NINJ2: variants seen among roughly 807,000 people sequenced by gnomAD.
NINJ2 encodes the protein ninjurin 2.
Under a neutral mutation model 11.7 loss-of-function variants are expected in NINJ2, and 12 were observed. That is an observed-to-expected ratio of 1.02 (90% confidence interval 0.66 to 1.66). The LOEUF is 1.66. NINJ2 is among the 40% of genes most tolerant of loss of function. NINJ2 has a pLI of 0.00. For synonymous variants in NINJ2, 93 were observed against 76.8 expected (o/e 1.21, Z -1.10); for missense variants, 187 against 181.8 (o/e 1.03, Z -0.16).
intron 1 of NINJ2, among the ~76,000 whole-genome samples, chr12:629,896 A>AAAT: frequency 5.0e-4 from 5 of 9,904 alleles, no homozygotes; most frequent in African/African-American, 7.3e-4. Context: ...AAAAAAAAAA[A>AAAT]ATATATATAT....
At chr12:601,877 C>CA (rs1025412505) in intron 1 of NINJ2, among the ~76,000 whole-genome samples, 11 of 151,846 alleles carry the variant, frequency 7.2e-5, no homozygotes, top group African/African-American at 1.7e-4. Flanking sequence ...GACTCTGTGT[C>CA]AAAAAAATAA....
intron 1 of NINJ2, among the ~76,000 whole-genome samples, chr12:603,036 T>C (rs907418945): frequency 3.3e-5 from 5 of 151,966 alleles, no homozygotes; most frequent in African/African-American, 1.2e-4. Flanking sequence ...GAGATCTCAC[T>C]ATGTTGCCCA....
rs1478403320 is a variant in NINJ2 at position 633,350 on chromosome 12, T to C, written c.33+29978A>G. The stretch of plus-strand genomic sequence containing the variant: ...CTGTCTCTACTAAAAATACAAAAAT[T>C]AGCCAGACATGGTGGCACGTGCCTG... On this transcript the variant is annotated intron_variant, in intron 1 of 3. Transcript: ENST00000305108. The surrounding 1 kb of genome is among the most constrained non-coding windows in gnomAD (Gnocchi z 4.3). Among the ~76,000 whole-genome samples the C allele has an allele frequency of 6.6e-6, 1 of 151,892 alleles. No homozygotes were observed. The highest frequency in any genetic ancestry group is 2.4e-5 in the African/African-American group (1 of 41,360).
intron 1 of NINJ2, among the ~76,000 whole-genome samples, chr12:566,677 G>C (rs1947304990): frequency 6.6e-6 from 1 of 152,228 alleles, no homozygotes; most frequent in Non-Finnish European, 1.5e-5. Context: ...CTGATCATCG[G>C]CTGGATTTCC....
chr12:655,028 C>CA (rs1172978647), intron 1 of NINJ2, among the ~76,000 whole-genome samples: 1 of 151,982 alleles, frequency 6.6e-6, no homozygotes, highest in Admixed American at 6.6e-5. Context: ...ATTCAACACC[C>CA]ATTCATGATA....
intron 1 of NINJ2, among the ~76,000 whole-genome samples, chr12:574,199 G>A (rs1565619825): frequency 1.3e-5 from 2 of 152,132 alleles, no homozygotes. Context: ...TCCAGCCTGG[G>A]CAACAAGAGC....
In NINJ2 at chr12:581,398, G is replaced by A. The variant is rs1167577769; in HGVS notation, c.34-15220C>T. Among the ~76,000 whole-genome samples the A allele has an allele frequency of 6.6e-6, 1 of 152,152 alleles. No individual in the cohort carries two copies. Among genetic ancestry groups the A allele is most frequent in the African/African-American group, 2.4e-5 (1 of 41,434 alleles). On this transcript the variant is annotated intron_variant, in intron 1 of 3. Transcript: ENST00000305108. This position sits in a 1 kb window ranked among gnomAD's most constrained non-coding sequence, Gnocchi z 4.9. The stretch of plus-strand genomic sequence containing the variant: ...AAAGCCGCTCCTGATTGGTGGGCCA[G>A]CCTGAATCTGCTGCGCCTGCCAGCT...
chr12:647,826 G>C (rs1282985655), intron 1 of NINJ2, among the ~76,000 whole-genome samples: 1 of 152,138 alleles, frequency 6.6e-6, no homozygotes, highest in Non-Finnish European at 1.5e-5. Flanking sequence ...AAGTGATGGG[G>C]TGCTGCTGTT....
chr12:568,993 A>C (rs746919491), intron 1 of NINJ2, among the ~76,000 whole-genome samples: 8 of 151,712 alleles, frequency 5.3e-5, no homozygotes, highest in African/African-American at 1.2e-4. Context: ...CCACAGAAAT[A>C]AGAAAAAAGG....
intron 1 of NINJ2, among the ~76,000 whole-genome samples, chr12:620,035 G>A (rs1948134318): frequency 6.6e-6 from 1 of 152,212 alleles, no homozygotes; most frequent in Non-Finnish European, 1.5e-5. Context: ...TTGTTGCCAG[G>A]GCCTGGTGTT....
At chr12:569,817 G>T (rs960817228) in intron 1 of NINJ2, among the ~76,000 whole-genome samples, 1 of 152,236 alleles carries the variant, frequency 6.6e-6, no homozygotes, top group Non-Finnish European at 1.5e-5. Flanking sequence ...GTGTGCTTAG[G>T]GGGTGCGCCT....
intron 1 of NINJ2, among the ~76,000 whole-genome samples, chr12:617,015 G>T (rs1948099188): frequency 6.6e-6 from 1 of 152,160 alleles, no homozygotes; most frequent in Non-Finnish European, 1.5e-5. Context: ...AGACCAGCCT[G>T]GCCAACATGG....
At chr12:592,191 G>A (rs1406285302) in intron 1 of NINJ2, among the ~76,000 whole-genome samples, 1 of 152,052 alleles carries the variant, frequency 6.6e-6, no homozygotes, top group Admixed American at 6.6e-5. Context: ...AGTGCAAAAT[G>A]GGATAAAAGA....
rs979862419 is a variant in NINJ2, at chr12:633,867, C to T, written c.33+29461G>A. Among the ~76,000 whole-genome samples the T allele has an allele frequency of 1.3e-5, 2 of 152,116 alleles. No individual in the cohort carries two copies. Among genetic ancestry groups the T allele is most frequent in the Non-Finnish European group, 2.9e-5 (2 of 68,024 alleles). ...CTGTCTGCTAAATCAAGTACACATT[C>T]CTTTGCCTGGTTATTTAAAAATCCC... On this transcript the variant is annotated intron_variant, in intron 1 of 3. Transcript: ENST00000305108. The surrounding 1 kb of genome is among the most constrained non-coding windows in gnomAD (Gnocchi z 4.3).
intron 1 of NINJ2, among the ~76,000 whole-genome samples, chr12:655,099 ATAAC>A (rs1339749994): frequency 6.6e-6 from 1 of 152,186 alleles, no homozygotes; most frequent in Non-Finnish European, 1.5e-5. Flanking sequence ...CAAAAAGCCT[ATAAC>A]TAACATCATA....
rs370838918 is a variant in NINJ2, at chr12:578,254, C to T, written c.34-12076G>A. Reference sequence around the variant, plus strand: ...ACAGGAATTGCTCACTCGGGGAGCTCGGTTGTTGGAGATGTGAATCTTGCC... The same window carrying T: ...ACAGGAATTGCTCACTCGGGGAGCTTGGTTGTTGGAGATGTGAATCTTGCC... On this transcript the variant is annotated intron_variant, in intron 1 of 3. Transcript: ENST00000305108. 1.4e-4 allele frequency among the ~76,000 whole-genome samples: 21 copies of T among 152,266 alleles called. No individual in the cohort carries two copies. In the East Asian group the frequency reaches 4.1e-3, roughly 29 times the overall value.
At chr12:650,318 G>GTGA (rs951602107) in intron 1 of NINJ2, among the ~76,000 whole-genome samples, 2 of 152,234 alleles carry the variant, frequency 1.3e-5, no homozygotes, top group Admixed American at 6.5e-5. Context: ...GTGAGCTCAG[G>GTGA]TGATGTACCA....
At chr12:651,414 C>T (rs1937783773) in intron 1 of NINJ2, among the ~76,000 whole-genome samples, 1 of 152,196 alleles carries the variant, frequency 6.6e-6, no homozygotes, top group South Asian at 2.1e-4. Context: ...TTGTGATGTT[C>T]AGTCCAGAGG....
intron 1 of NINJ2, among the ~76,000 whole-genome samples, chr12:653,649 A>G (rs1456104794): frequency 6.6e-6 from 1 of 152,224 alleles, no homozygotes; most frequent in Non-Finnish European, 1.5e-5. Context: ...ATGAATGGAG[A>G]TAAAACAGGA....
Sources: gnomAD v4.1 joint callset for allele counts (sites outside exome capture counted in the v4.1 genomes callset) on GRCh38, gnomAD v4.1.1 for gene constraint, Gnocchi (gnomAD v3.1) non-coding constraint, MANE v1.5 for transcripts, NCBI Gene and HGNC (gene_info 2026-07-23, HGNC 2026-07-21) for gene names.